DAB1: variants seen among roughly 807,000 people sequenced by gnomAD.
DAB1 encodes disabled homolog 1.
In DAB1, 15 loss-of-function variants were observed where a neutral mutation model predicts 64.6. The observed-to-expected ratio is 0.23, with a 90% confidence interval of 0.16 to 0.36. The LOEUF (loss-of-function observed/expected upper bound fraction) is 0.36. DAB1 is among the 10% of genes least tolerant of loss of function. The pLI is 1.00. For missense variants in DAB1, 596 were observed against 706.7 expected, an observed-to-expected ratio of 0.84 and a Z score of 1.78; for synonymous variants, 235 against 251.9, an observed-to-expected ratio of 0.93 and a Z score of 0.64.
At chr1:58,387,681 G>A (rs190261966) in intron 3 of DAB1, among the ~76,000 whole-genome samples, 38 of 150,068 alleles carry the variant, frequency 2.5e-4, no homozygotes, top group Admixed American at 4.0e-4. Flanking sequence ...CTGGTTATTT[G>A]ACGAGATTTC....
chr1:57,163,649 AG>A (rs1660966304), intron 2 of DAB1, among the ~76,000 whole-genome samples: 1 of 152,088 alleles, frequency 6.6e-6, no homozygotes. Flanking sequence ...AAGGGGGAGA[AG>A]TAGAAGCAGG....
intron 1 of DAB1, chr1:57,864,813 C>G (rs1288528868): frequency 4.6e-5 from 7 of 151,998 alleles, no homozygotes; most frequent in Non-Finnish European, 1.0e-4. Context: ...TCCCAAAATG[C>G]TGGGATTACA....
intron 1 of DAB1, among the ~76,000 whole-genome samples, chr1:58,541,954 GA>G (rs950991209): frequency 6.6e-5 from 10 of 152,090 alleles, no homozygotes; most frequent in East Asian, 1.9e-4. Context: ...AAAAGTTGGG[GA>G]AAAAAATATG....
At chr1:57,163,760 T>A (rs946617490) in intron 2 of DAB1, among the ~76,000 whole-genome samples, 1 of 152,018 alleles carries the variant, frequency 6.6e-6, no homozygotes, top group Non-Finnish European at 1.5e-5. Flanking sequence ...AAAGGGATTA[T>A]TTTTAGATTG....
chr1:58,064,498 G>T (rs922303853), intron 5 of DAB1, among the ~76,000 whole-genome samples: 1 of 152,052 alleles, frequency 6.6e-6, no homozygotes, highest in Non-Finnish European at 1.5e-5. Context: ...CAGAATAAAG[G>T]CAGCCCACTC....
chr1:57,022,952 T>C (rs1646668450), intron 11 of DAB1, among the ~76,000 whole-genome samples: 2 of 152,270 alleles, frequency 1.3e-5, no homozygotes, highest in Admixed American at 1.3e-4. Context: ...TTTTTTAACT[T>C]GTTGTAAAAG....
chr1:57,513,131 G>C (rs758834945), intron 7 of DAB1, among the ~76,000 whole-genome samples: 5 of 129,810 alleles, frequency 3.9e-5, no homozygotes, highest in Admixed American at 8.2e-5. Context: ...TGGTTCGTCT[G>C]AATACAAAAT....
chr1:57,920,919 T>C (rs1286275961), intron 5 of DAB1, among the ~76,000 whole-genome samples: 1 of 151,488 alleles, frequency 6.6e-6, no homozygotes, highest in East Asian at 1.9e-4. Context: ...CCATCCCTTC[T>C]GAGCCACAAA....
Position 58,020,723 on chromosome 1 carries a change from G to T in DAB1, n.387+129788C>A, listed in dbSNP as rs528914198. ...GTAGCCTCTTAGGAAGAAAAGACCAGCCAGGCGCGGTGGCTCACGCCTGTA... is the reference window on the plus strand; with the variant it reads ...GTAGCCTCTTAGGAAGAAAAGACCATCCAGGCGCGGTGGCTCACGCCTGTA... On this transcript the variant is annotated intron_variant and non_coding_transcript_variant, in intron 5 of 20. Transcript: ENST00000485760. Among the ~76,000 whole-genome samples, 20 of 152,326 alleles carry T rather than the reference G, an allele frequency of 1.3e-4. No homozygotes were observed. In the South Asian group the frequency reaches 4.1e-3, roughly 32 times the overall value.
chr1:57,030,831 A>G lies in DAB1; in HGVS notation c.724-4788T>C, dbSNP rs565631106. 1.2e-3 allele frequency among the ~76,000 whole-genome samples: 187 copies of G among 152,368 alleles called. 3 individuals carry two copies. In the South Asian group the frequency reaches 0.037, roughly 30 times the overall value. ...TTAGACCCTCTTCCAAATTCATAAA[A>G]GGAATGTTTATTTAATCAATTCAAA... On this transcript the variant is annotated intron_variant, in intron 9 of 14. Transcript: ENST00000371236.
chr1:58,051,222 C>T (rs1331822079), intron 5 of DAB1, among the ~76,000 whole-genome samples: 1 of 151,746 alleles, frequency 6.6e-6, no homozygotes, highest in Non-Finnish European at 1.5e-5. Flanking sequence ...CGATGGGCCC[C>T]AGTATATGAT....
At chr1:57,148,087 T>C (rs929184762) in intron 2 of DAB1, among the ~76,000 whole-genome samples, 1 of 152,198 alleles carries the variant, frequency 6.6e-6, no homozygotes, top group Non-Finnish European at 1.5e-5. Context: ...ATTGGCAGCA[T>C]TAAAACTCCA....
At chr1:57,562,776 C>T (rs1645068005) in intron 7 of DAB1, among the ~76,000 whole-genome samples, 1 of 152,144 alleles carries the variant, frequency 6.6e-6, no homozygotes, top group Admixed American at 6.5e-5. Context: ...ATGCTGCCAC[C>T]AGGAGACACG....
chr1:57,826,354 G>A (rs565671272), exon 2 of DAB1: 39 of 152,350 alleles, frequency 2.6e-4, no homozygotes, highest in African/African-American at 9.4e-4. Context: ...TGCTGTAGAA[G>A]AGGAATAAAC....
chr1:57,308,014 T>C (rs931773512), intron 1 of DAB1, among the ~76,000 whole-genome samples: 5 of 152,192 alleles, frequency 3.3e-5, no homozygotes, highest in African/African-American at 7.2e-5. Context: ...ACCTGAATAA[T>C]AGTGCTTTTT....
intron 5 of DAB1, among the ~76,000 whole-genome samples, chr1:57,984,693 A>G (rs946066057): frequency 1.3e-5 from 2 of 152,262 alleles, no homozygotes; most frequent in Non-Finnish European, 2.9e-5. Flanking sequence ...CTGTGAAAGC[A>G]TAAAGGTCAG....
intron 3 of DAB1, among the ~76,000 whole-genome samples, chr1:58,470,938 AG>A (rs1181537398): frequency 2.0e-5 from 3 of 152,162 alleles, no homozygotes; most frequent in Admixed American, 6.5e-5. Flanking sequence ...TAGCAGCAAA[AG>A]CTTATTAGGC....
chr1:57,379,001 G>T (rs1233336884), intron 1 of DAB1, among the ~76,000 whole-genome samples: 3 of 152,158 alleles, frequency 2.0e-5, no homozygotes, highest in African/African-American at 7.2e-5. Flanking sequence ...GCTTCTAGAT[G>T]CTACCTCTGT....
intron 4 of DAB1, among the ~76,000 whole-genome samples, chr1:58,187,696 T>G (rs1188591940): frequency 6.7e-6 from 1 of 148,372 alleles, no homozygotes; most frequent in Non-Finnish European, 1.5e-5. Flanking sequence ...TCTCATGCCT[T>G]AGCCTCCAGA....
Sources: allele counts gnomAD v4.1 joint callset (sites outside exome capture counted in the v4.1 genomes callset), GRCh38; gene constraint gnomAD v4.1.1; transcripts MANE v1.5; gene names NCBI Gene and HGNC (gene_info 2026-07-23, HGNC 2026-07-21).